Variants in AFF4 observed in about 807,000 individuals in gnomAD.
AFF4 encodes AF4/FMR2 family member 4.
Under a neutral mutation model 124.8 loss-of-function variants are expected in AFF4, and 13 were observed. The ratio of observed to expected loss-of-function variants is 0.10; its 90% CI spans 0.07 to 0.17. The LOEUF (loss-of-function observed/expected upper bound fraction) is 0.17. AFF4 is among the 10% of genes least tolerant of loss of function. The pLI is 1.00. For missense variants in AFF4, 1,092 were observed against 1,403.8 expected (o/e 0.78, Z 3.55); for synonymous variants, 477 against 496.1 (o/e 0.96, Z 0.51).
At chr5:132,955,054 G>C (rs955784243) in intron 1 of AFF4, among the ~76,000 whole-genome samples, 1 of 152,142 alleles carries the variant, frequency 6.6e-6, no homozygotes, top group Non-Finnish European at 1.5e-5. Flanking sequence ...AGGATGGGGA[G>C]CTGGAAAAGG....
At chr5:132,940,060 C>T (rs184442899) in intron 1 of AFF4, among the ~76,000 whole-genome samples, 5 of 152,116 alleles carry the variant, frequency 3.3e-5, no homozygotes, top group South Asian at 2.1e-4. Flanking sequence ...AGTAGCCTGC[C>T]GTGGTAGCAG....
chr5:132,911,713 G>T (rs185260129), intron 5 of AFF4, among the ~76,000 whole-genome samples: 1 of 151,728 alleles, frequency 6.6e-6, no homozygotes, highest in Non-Finnish European at 1.5e-5. Flanking sequence ...TCCCAAATTT[G>T]ATGGAAACTA....
chr5:132,898,931 G>C (rs986472977), intron 9 of AFF4, among the ~76,000 whole-genome samples, 173 bp downstream of exon 9: 2 of 152,136 alleles, frequency 1.3e-5, no homozygotes, highest in African/African-American at 4.8e-5. Context: ...ACAGTTTGAG[G>C]TATAATACAC....
At chr5:132,892,950 G>A (rs1259965949) in intron 12 of AFF4, 80 bp downstream of exon 12, 13 of 1,330,252 alleles carry the variant, frequency 9.8e-6, no homozygotes, top group African/African-American at 1.4e-5. Flanking sequence ...GGAACACTCA[G>A]AGCATGTCAG....
At chr5:132,949,681 G>A (rs1761785280) in intron 1 of AFF4, among the ~76,000 whole-genome samples, 1 of 146,348 alleles carries the variant, frequency 6.8e-6, no homozygotes, top group Non-Finnish European at 1.5e-5. Context: ...AACCCCATGT[G>A]TACCACACAC....
chr5:132,939,799 T>C lies in AFF4; in HGVS notation c.-4-2606A>G, dbSNP rs193161215. 1.5e-3 allele frequency among the ~76,000 whole-genome samples: 234 copies of C among 152,282 alleles called. 4 individuals are homozygous for C. The East Asian group carries it at 0.042, about 28-fold the overall frequency. Reference sequence around the variant, plus strand: ...CTAATTTTTGTATTTTTAGTAGCGATGGGGTTTCACCGAGTTGGCCAAACT... The same window carrying C: ...CTAATTTTTGTATTTTTAGTAGCGACGGGGTTTCACCGAGTTGGCCAAACT... On this transcript the variant is annotated intron_variant, in intron 1 of 20. Transcript: ENST00000265343.
At chr5:132,957,650 G>C (rs1308947463) in intron 1 of AFF4, among the ~76,000 whole-genome samples, 1 of 151,984 alleles carries the variant, frequency 6.6e-6, no homozygotes, top group Non-Finnish European at 1.5e-5. Flanking sequence ...AGGACTGCTT[G>C]AAATCCAGGA....
chr5:132,958,377 A>G (rs1452759246), intron 1 of AFF4, among the ~76,000 whole-genome samples: 1 of 150,098 alleles, frequency 6.7e-6, no homozygotes. Flanking sequence ...GAGTTATGAA[A>G]ATTGCTTGAG....
intron 1 of AFF4, among the ~76,000 whole-genome samples, chr5:132,947,568 T>C (rs1477107274): frequency 6.6e-6 from 1 of 152,230 alleles, no homozygotes; most frequent in Non-Finnish European, 1.5e-5. Context: ...TATAAGATTA[T>C]TGAGTGATTT....
At chr5:132,913,575 T>C (rs528609310) in intron 5 of AFF4, among the ~76,000 whole-genome samples, 1 of 152,262 alleles carries the variant, frequency 6.6e-6, no homozygotes, top group Admixed American at 6.5e-5. Flanking sequence ...TCCTGAGTAG[T>C]TGCAACTGCA....
At chr5:132,920,266 T>C (rs1365197361) in intron 5 of AFF4, among the ~76,000 whole-genome samples, 2 of 151,906 alleles carry the variant, frequency 1.3e-5, no homozygotes, top group African/African-American at 2.4e-5. Context: ...GCCAGGCTGG[T>C]CTCGAACTCC....
intron 9 of AFF4, 79 bp downstream of exon 9, chr5:132,899,025 G>T: frequency 8.0e-7 from 1 of 1,246,692 alleles, no homozygotes; most frequent in Non-Finnish European, 1.2e-6. Context: ...TTACTTATAA[G>T]GCCACTTATT....
In AFF4 at chr5:132,955,377, C is replaced by T. The variant is rs545159852; in HGVS notation, c.-5+7882G>A. The stretch of plus-strand genomic sequence containing the variant: ...ACCAGGTACCCCACCCACTTCTAGC[C>T]AGTATTTCCCTGCCTCCTGTCTGTA... On this transcript the variant is annotated intron_variant, in intron 1 of 20. Transcript: ENST00000265343. Among the ~76,000 whole-genome samples, 9 of 152,236 alleles carry T rather than the reference C, an allele frequency of 5.9e-5. No individual in the cohort carries two copies. The South Asian group carries it at 1.9e-3, about 32-fold the overall frequency.
intron 2 of AFF4, among the ~76,000 whole-genome samples, chr5:132,935,638 G>T (rs1284874065): frequency 6.6e-6 from 1 of 152,070 alleles, no homozygotes; most frequent in African/African-American, 2.4e-5. Context: ...AGGCGTGGTG[G>T]CGGGTGTCTG....
At chr5:132,897,574 G>T (rs924989787) in intron 10 of AFF4, among the ~76,000 whole-genome samples, 10 of 152,124 alleles carry the variant, frequency 6.6e-5, no homozygotes, top group Admixed American at 5.2e-4. Context: ...GTCAGATGCG[G>T]TGGCGCACGC....
chr5:132,934,661 C>T lies in AFF4; in HGVS notation c.404G>A (p.Arg135Gln), dbSNP rs768604889. Reference sequence around the variant, plus strand: ...GCCACTACTGCTACCTGCGCTGGTCCGCTGGCTACTATGTCCACTCTGTAA... The same window carrying T: ...GCCACTACTGCTACCTGCGCTGGTCTGCTGGCTACTATGTCCACTCTGTAA... ...SGLQSGHSSQ[R>Q]TSAGSSSGTN... The change falls in exon 3 of 21, where the codon CGG becomes CAG. Residue 135 changes from arginine to glutamine, a missense_variant. By Grantham distance (43) the Arg-to-Gln change is conservative (BLOSUM62 1). Coordinates refer to ENST00000265343, the MANE Select transcript of AFF4 (RefSeq NM_014423.4). 1.2e-5 allele frequency: 19 copies of T among 1,613,986 alleles called. No homozygotes were observed. Among genetic ancestry groups the T allele is most frequent in the Admixed American group, 6.7e-5 (4 of 59,976 alleles).
chr5:132,952,162 T>C (rs776095814), intron 1 of AFF4, among the ~76,000 whole-genome samples: 35 of 152,230 alleles, frequency 2.3e-4, no homozygotes, highest in Non-Finnish European at 4.4e-4. Context: ...GTGGAACTAC[T>C]GCAGAGGATG....
rs140615106 is a variant in AFF4 at position 132,898,092 on chromosome 5, C to T, written c.1389+138G>A. ...AAGGAACCATCTAGATTTCCTCCAA[C>T]GTACACAGTACAATTTCTTTTTGTC... On this transcript the variant is annotated intron_variant, in intron 10 of 20. Transcript: ENST00000265343. The T allele has an allele frequency of 4.9e-4, 545 of 1,121,092 alleles. 9 individuals are homozygous for T. In the Admixed American group the frequency reaches 0.014, roughly 29 times the overall value. 69.4% of individuals were successfully genotyped at this position (1,121,092 alleles called of 1,614,324 possible).
chr5:132,906,472 A>C (rs985172046), intron 5 of AFF4, among the ~76,000 whole-genome samples: 12 of 152,336 alleles, frequency 7.9e-5, no homozygotes, highest in Non-Finnish European at 1.3e-4. Flanking sequence ...ACTTAGATGA[A>C]TCTTAAAAAC....
Sources: gnomAD v4.1 joint callset for allele counts (sites outside exome capture counted in the v4.1 genomes callset) on GRCh38, gnomAD v4.1.1 for gene constraint, MANE v1.5 for transcripts, NCBI Gene and HGNC (gene_info 2026-07-23, HGNC 2026-07-21) for gene names.